The following COP1 variants were observed in gnomAD, a reference collection of about 807,000 sequenced individuals.
The protein encoded by COP1 is E3 ubiquitin-protein ligase COP1.
A neutral mutation model predicts 101.3 loss-of-function variants in COP1; 24 were observed. The ratio of observed to expected loss-of-function variants is 0.24; its 90% CI spans 0.17 to 0.33. The LOEUF is 0.33. Ranked by LOEUF, COP1 falls within the 10% of genes least tolerant of loss-of-function variation. The probability of loss-of-function intolerance (pLI) is 1.00; values close to 1 mark genes in which losing one functional copy is unlikely to be tolerated. For synonymous variants in COP1, 347 were observed against 341.9 expected (o/e 1.01, Z -0.17); for missense variants, 663 against 906.2 (o/e 0.73, Z 3.45).
chr1:176,198,431 C>T (rs1325776224), intron 1 of COP1, among the ~76,000 whole-genome samples: 1 of 152,080 alleles, frequency 6.6e-6, no homozygotes, highest in Admixed American at 6.5e-5. Flanking sequence ...AAGCCTTCAA[C>T]CCTTACCAAA....
At chr1:175,963,323 C>G (rs1050865249) in intron 18 of COP1, among the ~76,000 whole-genome samples, 11 of 152,028 alleles carry the variant, frequency 7.2e-5, no homozygotes, top group African/African-American at 2.7e-4. Flanking sequence ...AATAAAGTCC[C>G]TACTCCACCA....
At chr1:176,157,564 TC>T (rs1693667121) in intron 5 of COP1, among the ~76,000 whole-genome samples, 3 of 152,254 alleles carry the variant, frequency 2.0e-5, no homozygotes, top group Admixed American at 2.0e-4. Context: ...AAAGGTTGTC[TC>T]AGTAGTGAGG....
At chr1:176,077,932 T>C (rs1322975533) in intron 11 of COP1, among the ~76,000 whole-genome samples, 1 of 151,276 alleles carries the variant, frequency 6.6e-6, no homozygotes, top group African/African-American at 2.4e-5. Context: ...TAGGAACTCA[T>C]CTAAGCAAGG....
At chr1:176,147,230 G>C (rs10913144) in intron 6 of COP1, among the ~76,000 whole-genome samples, 60,483 of 151,878 alleles carry the variant, frequency 0.4, 12,221 homozygotes, top group Admixed American at 0.45. Flanking sequence ...GACTTACATG[G>C]AAGAAGAAAA....
chr1:176,001,126 T>C (rs1211643843), intron 15 of COP1, among the ~76,000 whole-genome samples: 2 of 152,074 alleles, frequency 1.3e-5, no homozygotes, highest in Non-Finnish European at 2.9e-5. Context: ...CGCATTTAAT[T>C]TTACATGAAC....
intron 2 of COP1, among the ~76,000 whole-genome samples, chr1:176,177,414 A>G (rs1047173040): frequency 6.6e-6 from 1 of 152,074 alleles, no homozygotes; most frequent in African/African-American, 2.4e-5. Flanking sequence ...ATGACAATCT[A>G]TAACACAGTG....
intron 9 of COP1, among the ~76,000 whole-genome samples, chr1:176,089,925 TTAACA>T (rs1221796423): frequency 6.6e-6 from 1 of 152,324 alleles, no homozygotes; most frequent in African/African-American, 2.4e-5. Context: ...TGCATCTGTA[TTAACA>T]TAACTACACC....
At chr1:176,099,964 G>A (rs374949962) in intron 9 of COP1, among the ~76,000 whole-genome samples, 9 of 152,222 alleles carry the variant, frequency 5.9e-5, no homozygotes, top group South Asian at 2.1e-4. Context: ...GAAGAGTTCC[G>A]TCCAAGCCAA....
In COP1 at chr1:175,968,613, A is replaced by G. The variant is rs114259741; in HGVS notation, c.2133+18330T>C. 879 of 425,468 alleles carry G rather than the reference A, an allele frequency of 2.1e-3. 1 individual carries two copies. The highest frequency in any genetic ancestry group is 0.016 in the African/African-American group (790 of 48,802). 26.4% of individuals were successfully genotyped at this position (425,468 alleles called of 1,614,324 possible). On this transcript the variant is annotated intron_variant, in intron 18 of 19. Coordinates refer to ENST00000367669, the MANE Select transcript of COP1 (RefSeq NM_022457.7). ...TATTCCAATTAACTAACTGCATCAA[A>G]TTCTCATTTAAATATACTTCAGGAT...
At chr1:176,183,705 C>G (rs1698079149) in intron 2 of COP1, among the ~76,000 whole-genome samples, 1 of 152,032 alleles carries the variant, frequency 6.6e-6, no homozygotes, top group African/African-American at 2.4e-5. Context: ...AGAAGCAACC[C>G]CAGTGTATAC....
chr1:175,993,879 A>G (rs1385772684), intron 15 of COP1, among the ~76,000 whole-genome samples: 1 of 152,208 alleles, frequency 6.6e-6, no homozygotes, highest in African/African-American at 2.4e-5. Flanking sequence ...TTTCAGATTC[A>G]GGAAATATAG....
intron 11 of COP1, among the ~76,000 whole-genome samples, chr1:176,059,188 C>T (rs902060494): frequency 1.3e-5 from 2 of 152,220 alleles, no homozygotes; most frequent in South Asian, 4.1e-4. Context: ...TTTTGGAGCT[C>T]ACTCACTATG....
At chr1:176,017,944 G>A (rs1665967893) in intron 15 of COP1, among the ~76,000 whole-genome samples, 1 of 152,226 alleles carries the variant, frequency 6.6e-6, no homozygotes, top group Admixed American at 6.5e-5. Flanking sequence ...AAAAGAGAGA[G>A]CAAGCTAAGT....
Position 175,961,580 on chromosome 1 carries a change from C to CAGCACTTTG in COP1, c.2134-14350_2134-14342dup, listed in dbSNP as rs1192490850. 2.0e-5 allele frequency among the ~76,000 whole-genome samples: 3 copies of CAGCACTTTG among 151,540 alleles called. No individual in the cohort carries two copies. The East Asian group carries it at 5.9e-4, about 30-fold the overall frequency. ...GTGTGGTGGCTCATGCCTGTAATCC[C>CAGCACTTTG]AGCACTTTGGGAGGCTGAGGCGGGA... On this transcript the variant is annotated intron_variant, in intron 18 of 19. Transcript: ENST00000367669.
chr1:176,044,950 T>C (rs1439434811), intron 12 of COP1, among the ~76,000 whole-genome samples: 1 of 152,210 alleles, frequency 6.6e-6, no homozygotes, highest in Admixed American at 6.5e-5. Context: ...AGTGTTGTTC[T>C]GAGTGCATTA....
intron 9 of COP1, among the ~76,000 whole-genome samples, chr1:176,087,697 C>T (rs146375045): frequency 2.6e-5 from 4 of 152,230 alleles, no homozygotes; most frequent in African/African-American, 7.2e-5. Context: ...GACAATGTGG[C>T]GATTCCTCAA....
At chr1:176,160,515 T>C (rs1315011414) in intron 5 of COP1, among the ~76,000 whole-genome samples, 1 of 152,018 alleles carries the variant, frequency 6.6e-6, no homozygotes, top group East Asian at 1.9e-4. Flanking sequence ...TTTTGCAATG[T>C]ACCCATCTGA....
At chr1:175,947,261 T>TA (rs753375414) in intron 18 of COP1, 22 bp from the exon 19 acceptor site, 1 of 1,574,656 alleles carries the variant, frequency 6.4e-7, no homozygotes, top group Non-Finnish European at 8.7e-7. Context: ...CAAGAGCTTT[T>TA]AAAGTATAGA....
Position 176,149,025 on chromosome 1 carries a change from G to C in COP1, c.812C>G (p.Ala271Gly). 1 of 1,583,174 alleles carries C rather than the reference G, an allele frequency of 6.3e-7. No individual in the cohort carries two copies. The highest frequency in any genetic ancestry group is 8.6e-7 in the Non-Finnish European group (1 of 1,158,716). The change falls in exon 6 of 20, where the codon GCA becomes GGA. Residue 271 changes from alanine (A) to glycine (G), a missense_variant. Coordinates refer to ENST00000367669, the MANE Select transcript of COP1 (RefSeq NM_022457.7). Reference sequence around the variant, plus strand: ...ATATACCTCTCTCTTATTTCTTCTTGCAACCTTGAGGAATTCCATAAGAAT... The same window carrying C: ...ATATACCTCTCTCTTATTTCTTCTTCCAACCTTGAGGAATTCCATAAGAAT... The part of the protein sequence containing the change: ...LQILMEFLKV[A>G]RRNKREQLEQ...
Sources: allele counts gnomAD v4.1 joint callset (sites outside exome capture counted in the v4.1 genomes callset), GRCh38; gene constraint gnomAD v4.1.1; transcripts MANE v1.5; gene names NCBI Gene and HGNC (gene_info 2026-07-23, HGNC 2026-07-21).